The following GULP1 variants were observed in gnomAD, a reference collection of about 807,000 sequenced individuals.
The protein encoded by GULP1 is PTB domain-containing engulfment adapter protein 1.
Under a neutral mutation model 40.9 loss-of-function variants are expected in GULP1, and 19 were observed. The observed-to-expected ratio is 0.46, with a 90% confidence interval of 0.32 to 0.68. GULP1 has a LOEUF of 0.68. Among genes scored for constraint, GULP1 ranks in the 30% least tolerant of loss-of-function variants. The pLI is 0.03. For missense variants in GULP1, 312 were observed against 362.2 expected, an observed-to-expected ratio of 0.86 and a Z score of 1.12; for synonymous variants, 119 against 117.6, an observed-to-expected ratio of 1.01 and a Z score of -0.08.
At chr2:188,562,956 C>T (rs980855753) in intron 7 of GULP1, among the ~76,000 whole-genome samples, 2 of 151,822 alleles carry the variant, frequency 1.3e-5, no homozygotes, top group East Asian at 1.9e-4. Flanking sequence ...AGAAAAGTTA[C>T]AGGGGAATTA....
chr2:188,349,400 C>T (rs2044142008), intron 1 of GULP1, among the ~76,000 whole-genome samples: 1 of 152,088 alleles, frequency 6.6e-6, no homozygotes, highest in Non-Finnish European at 1.5e-5. Flanking sequence ...TCATGCTTGC[C>T]AATACTTGTT....
At chr2:188,483,580 C>T in intron 4 of GULP1, 88 bp downstream of exon 4, 1 of 506,724 alleles carries the variant, frequency 2.0e-6, no homozygotes, top group Non-Finnish European at 3.5e-6. Context: ...TATGTATTGA[C>T]ATTTCCTGGT....
intron 5 of GULP1, among the ~76,000 whole-genome samples, chr2:188,523,872 G>A (rs753858161): frequency 1.3e-5 from 2 of 152,030 alleles, no homozygotes; most frequent in East Asian, 3.9e-4. Flanking sequence ...TTTACTAATC[G>A]TTTTAAGTAA....
chr2:188,545,403 T>C (rs1251572282), intron 7 of GULP1, among the ~76,000 whole-genome samples: 6 of 151,964 alleles, frequency 3.9e-5, no homozygotes, highest in Non-Finnish European at 7.4e-5. Flanking sequence ...TGATGTGATT[T>C]CATATATGGA....
chr2:188,328,414 C>T (rs1324866379), intron 1 of GULP1, among the ~76,000 whole-genome samples: 2 of 152,058 alleles, frequency 1.3e-5, no homozygotes, highest in African/African-American at 2.4e-5. Context: ...TATCTTCTAG[C>T]GTTTTTCTAC....
intron 1 of GULP1, among the ~76,000 whole-genome samples, chr2:188,378,707 A>G (rs1371830948): frequency 6.6e-6 from 1 of 152,084 alleles, no homozygotes; most frequent in Non-Finnish European, 1.5e-5. Context: ...ACAAGGGACT[A>G]ACAGAGCAAG....
chr2:188,381,694 T>G (rs2049023065), intron 1 of GULP1, among the ~76,000 whole-genome samples: 1 of 152,216 alleles, frequency 6.6e-6, no homozygotes, highest in Non-Finnish European at 1.5e-5. Flanking sequence ...GTTCTTCCTT[T>G]TCTCTCCTCT....
intron 1 of GULP1, among the ~76,000 whole-genome samples, chr2:188,361,109 G>A (rs746150961): frequency 5.3e-5 from 8 of 152,030 alleles, no homozygotes; most frequent in Non-Finnish European, 7.4e-5. Context: ...TAAATGTTAC[G>A]TGCAGCATGT....
chr2:188,519,600 CTAAA>C (rs760408968), intron 4 of GULP1, among the ~76,000 whole-genome samples: 1 of 152,180 alleles, frequency 6.6e-6, no homozygotes, highest in East Asian at 1.9e-4. Flanking sequence ...GTATTCAGAA[CTAAA>C]TAGTTTCTAT....
intron 4 of GULP1, among the ~76,000 whole-genome samples, chr2:188,501,237 G>A (rs2063406151): frequency 6.6e-6 from 1 of 151,862 alleles, no homozygotes; most frequent in Admixed American, 6.6e-5. Flanking sequence ...TTTCCCCCAT[G>A]CTGTTCTCAT....
intron 1 of GULP1, among the ~76,000 whole-genome samples, chr2:188,349,551 T>C (rs923310043): frequency 1.3e-5 from 2 of 152,160 alleles, no homozygotes; most frequent in African/African-American, 2.4e-5. Flanking sequence ...TTTAGAGAAA[T>C]GTGTACTCAG....
intron 10 of GULP1, among the ~76,000 whole-genome samples, chr2:188,585,882 G>A (rs1702267108): frequency 6.6e-6 from 1 of 152,106 alleles, no homozygotes; most frequent in East Asian, 1.9e-4. Flanking sequence ...TCAGAAAATG[G>A]GTTTTCTTTT....
At chr2:188,588,374 T>G (rs1702844251) in intron 11 of GULP1, 1 of 172,460 alleles carries the variant, frequency 5.8e-6, no homozygotes, top group East Asian at 1.6e-4. Context: ...AAAGAAGCAT[T>G]GTAGCTGTAG....
At chr2:188,549,737 A>G (rs1378045858) in intron 7 of GULP1, among the ~76,000 whole-genome samples, 1 of 151,810 alleles carries the variant, frequency 6.6e-6, no homozygotes, top group East Asian at 1.9e-4. Context: ...CATCCAGAAA[A>G]TGTGTGAAGG....
At chr2:188,307,551 A>C (rs2106259336) in intron 1 of GULP1, among the ~76,000 whole-genome samples, 1 of 150,986 alleles carries the variant, frequency 6.6e-6, no homozygotes, top group African/African-American at 2.4e-5. Context: ...AAAGCTACTA[A>C]GTTTTTTAGT....
intron 8 of GULP1, 168 bp downstream of exon 8, chr2:188,569,523 GTT>G (rs199618262): frequency 1.8e-4 from 86 of 464,882 alleles, no homozygotes; most frequent in East Asian, 2.3e-4. Flanking sequence ...CCCCTGCACA[GTT>G]TTTTTTTTTT....
chr2:188,419,167 C>A (rs1160550958), intron 2 of GULP1, among the ~76,000 whole-genome samples: 2 of 152,142 alleles, frequency 1.3e-5, no homozygotes, highest in African/African-American at 4.8e-5. Context: ...TGTACATAGG[C>A]ATGCTGGTCT....
chr2:188,363,259 G>C (rs2046329062), intron 1 of GULP1, among the ~76,000 whole-genome samples: 1 of 152,046 alleles, frequency 6.6e-6, no homozygotes, highest in Admixed American at 6.6e-5. Context: ...ATATCTCTGT[G>C]TGTAATGTTT....
chr2:188,493,366 C>T (rs928894446), intron 4 of GULP1, among the ~76,000 whole-genome samples: 1 of 151,984 alleles, frequency 6.6e-6, no homozygotes, highest in African/African-American at 2.4e-5. Context: ...ATGCCTGAGA[C>T]TTCATTTTTT....
Sources: allele counts gnomAD v4.1 joint callset (sites outside exome capture counted in the v4.1 genomes callset), GRCh38; gene constraint gnomAD v4.1.1; transcripts MANE v1.5; gene names NCBI Gene and HGNC (gene_info 2026-07-23, HGNC 2026-07-21).